Variants in PRDM6 observed in about 807,000 individuals in gnomAD.
PRDM6 encodes PR/SET domain 6, also known as putative histone-lysine N-methyltransferase PRDM6.
A neutral mutation model predicts 60.8 loss-of-function variants in PRDM6; 25 were observed. The ratio of observed to expected loss-of-function variants is 0.41; its 90% CI spans 0.30 to 0.57. The LOEUF (loss-of-function observed/expected upper bound fraction) is 0.57, where lower values mean the gene tolerates loss of function less well. PRDM6 is among the 20% of genes least tolerant of loss of function. PRDM6 has a pLI of 0.27. For missense variants in PRDM6, 839 were observed against 821.3 expected, an observed-to-expected ratio of 1.02 and a Z score of -0.26; for synonymous variants, 407 against 357.4, an observed-to-expected ratio of 1.14 and a Z score of -1.57.
intron 2 of PRDM6, among the ~76,000 whole-genome samples, chr5:123,095,291 G>A (rs968524119): frequency 9.9e-5 from 15 of 152,254 alleles, no homozygotes; most frequent in African/African-American, 3.6e-4. Flanking sequence ...GCAGGAGCGG[G>A]GTGGGACCTT....
chr5:123,161,894 G>A (rs1046042832), intron 5 of PRDM6, among the ~76,000 whole-genome samples: 9 of 152,226 alleles, frequency 5.9e-5, no homozygotes, highest in African/African-American at 1.9e-4. Flanking sequence ...GGGAAGAGCA[G>A]GGAATCCAGC....
In PRDM6 at chr5:123,124,306, T is replaced by G. The variant is rs142231289; in HGVS notation, c.900+24345T>G. On this transcript the variant is annotated intron_variant, in intron 3 of 7. Transcript: ENST00000407847. ...ATAATTCAGACGCCCTAAGTCCACT[T>G]TAGACACTCGCATTTGTAGAATGAA... Among the ~76,000 whole-genome samples the G allele has an allele frequency of 2.1e-3, 320 of 152,332 alleles. 4 individuals are homozygous for G. The highest frequency in any genetic ancestry group is 4.7e-4 in the Non-Finnish European group (32 of 68,028).
At chr5:123,165,102 C>T (rs1190316024) in intron 5 of PRDM6, among the ~76,000 whole-genome samples, 1 of 152,146 alleles carries the variant, frequency 6.6e-6, no homozygotes, top group Non-Finnish European at 1.5e-5. Flanking sequence ...GAATCTGTTT[C>T]CTGGGCGACC....
chr5:123,136,207 C>CT (rs1398594480), intron 3 of PRDM6, among the ~76,000 whole-genome samples: 1 of 152,136 alleles, frequency 6.6e-6, no homozygotes. Flanking sequence ...AGACCTTTAT[C>CT]TCCTTTTGGA....
chr5:123,101,829 C>T (rs1051645925), intron 3 of PRDM6, among the ~76,000 whole-genome samples: 1 of 152,146 alleles, frequency 6.6e-6, no homozygotes, highest in African/African-American at 2.4e-5. Flanking sequence ...AACTATGAAA[C>T]CTTTCTTTTC....
At chr5:123,112,708 T>G (rs1764339918) in intron 3 of PRDM6, among the ~76,000 whole-genome samples, 1 of 151,882 alleles carries the variant, frequency 6.6e-6, no homozygotes, top group Non-Finnish European at 1.5e-5. Flanking sequence ...ATCTTTATCC[T>G]TATCTTTAAT....
intron 3 of PRDM6, among the ~76,000 whole-genome samples, chr5:123,153,434 T>C (rs1349760665): frequency 6.6e-6 from 1 of 152,188 alleles, no homozygotes; most frequent in Non-Finnish European, 1.5e-5. Context: ...GAAAGCAGTA[T>C]CAAGGTTGAA....
intron 2 of PRDM6, among the ~76,000 whole-genome samples, chr5:123,091,838 C>T (rs1319643191): frequency 2.6e-5 from 4 of 152,112 alleles, no homozygotes; most frequent in Non-Finnish European, 4.4e-5. Flanking sequence ...TAAGTTGCTT[C>T]TTGCAAAATG....
At chr5:123,094,121 G>A (rs1365753075) in intron 2 of PRDM6, among the ~76,000 whole-genome samples, 1 of 152,100 alleles carries the variant, frequency 6.6e-6, no homozygotes, top group African/African-American at 2.4e-5. Flanking sequence ...AGAGGGGCTG[G>A]GGAGAGAAAA....
At position 123,159,655 on chromosome 5, in the gene PRDM6, G is replaced by T. The variant is rs1211226035; in HGVS notation, c.1153+17G>T. ...ATGAAAACTGTAAGAATTTATTTTA[G>T]CTCTGAATTCACATTTCAATATACC... On this transcript the variant is annotated intron_variant, in intron 5 of 7. Coordinates refer to ENST00000407847, the MANE Select transcript of PRDM6 (RefSeq NM_001136239.4). 1.9e-6 allele frequency: 3 copies of T among 1,549,618 alleles called. No homozygotes were observed. Among genetic ancestry groups the T allele is most frequent in the South Asian group, 1.2e-5 (1 of 83,520 alleles).
chr5:123,157,219 T>A (rs1765523488), intron 4 of PRDM6, among the ~76,000 whole-genome samples: 1 of 152,206 alleles, frequency 6.6e-6, no homozygotes, highest in South Asian at 2.1e-4. Flanking sequence ...CAGTGCAGTT[T>A]TATTTCATTA....
At chr5:123,140,227 T>A (rs1200433236) in intron 3 of PRDM6, among the ~76,000 whole-genome samples, 1 of 152,030 alleles carries the variant, frequency 6.6e-6, no homozygotes, top group Non-Finnish European at 1.5e-5. Flanking sequence ...CTTTCCTGTA[T>A]TTTCTTTCAC....
intron 6 of PRDM6, among the ~76,000 whole-genome samples, chr5:123,171,698 G>T (rs1765892686): frequency 6.6e-6 from 1 of 151,090 alleles, no homozygotes; most frequent in Admixed American, 6.6e-5. Context: ...ATGTTGACTA[G>T]ATACCTCAGA....
At chr5:123,179,578 C>T (rs1766096291) in intron 6 of PRDM6, among the ~76,000 whole-genome samples, 1 of 152,120 alleles carries the variant, frequency 6.6e-6, no homozygotes, top group Admixed American at 6.5e-5. Context: ...TGTGTGTTTA[C>T]CTGGTACTTA....
At chr5:123,160,882 T>A (rs459530) in intron 5 of PRDM6, among the ~76,000 whole-genome samples, 31,566 of 152,108 alleles carry the variant, frequency 0.21, 3,902 homozygotes, top group African/African-American at 0.34. Flanking sequence ...TAGGAGAAAA[T>A]CTCAGTGTTG....
rs200383979 is a variant in PRDM6 at position 123,136,861 on chromosome 5, A to G, written c.901-19023A>G. On this transcript the variant is annotated intron_variant, in intron 3 of 7. Transcript: ENST00000407847. The stretch of plus-strand genomic sequence containing the variant: ...CTCACTTCCCAGAGTCTGGCTGGCA[A>G]TGTGCATGGGAACCTTAGCAGCTGA... Among the ~76,000 whole-genome samples, 27 of 151,964 alleles carry G rather than the reference A, an allele frequency of 1.8e-4. No individual in the cohort carries two copies. In the East Asian group the frequency reaches 5.0e-3, roughly 28 times the overall value.
At chr5:123,141,284 A>G (rs1345963193) in intron 3 of PRDM6, among the ~76,000 whole-genome samples, 1 of 151,986 alleles carries the variant, frequency 6.6e-6, no homozygotes, top group Admixed American at 6.6e-5. Flanking sequence ...TTTGAAGAAA[A>G]TTTTCAAGTT....
chr5:123,143,709 C>G (rs1337677644), intron 3 of PRDM6, among the ~76,000 whole-genome samples: 1 of 152,074 alleles, frequency 6.6e-6, no homozygotes, highest in Non-Finnish European at 1.5e-5. Flanking sequence ...CCAAACCAGG[C>G]TTGTTTGGAG....
intron 3 of PRDM6, among the ~76,000 whole-genome samples, chr5:123,108,862 C>T (rs1467029376): frequency 6.6e-6 from 1 of 152,058 alleles, no homozygotes; most frequent in Non-Finnish European, 1.5e-5. Flanking sequence ...TTTGCACTAT[C>T]TCTTTGATAC....
Sources: gnomAD v4.1 joint callset for allele counts (sites outside exome capture counted in the v4.1 genomes callset) on GRCh38, gnomAD v4.1.1 for gene constraint, MANE v1.5 for transcripts, NCBI Gene and HGNC (gene_info 2026-07-23, HGNC 2026-07-21) for gene names.